H1-4: variants seen among roughly 807,000 people sequenced by gnomAD.
H1-4 encodes the protein H1.4 linker histone, cluster member.
Under a neutral mutation model 7.2 loss-of-function variants are expected in H1-4, and 9 were observed. The ratio of observed to expected loss-of-function variants is 1.25; its 90% CI spans 0.75 to 2.18. The LOEUF (loss-of-function observed/expected upper bound fraction) is 2.18. Among genes scored for constraint, H1-4 ranks in the 30% most tolerant of loss-of-function variants. The pLI is 0.00. For missense variants in H1-4, 646 were observed against 287.9 expected, an observed-to-expected ratio of 2.24 and a Z score of -9.00; for synonymous variants, 318 against 126.6, an observed-to-expected ratio of 2.51 and a Z score of -10.15.
Position 26,156,905 on chromosome 6 carries a change from G to A in H1-4, c.515G>A (p.Ser172Asn). Reference sequence around the variant, plus strand: ...GCTGCTGGAGCCAAAAAAGCGAAAAGCCCGAAAAAGGCGAAAGCAGCCAAG... The same window carrying A: ...GCTGCTGGAGCCAAAAAAGCGAAAAACCCGAAAAAGGCGAAAGCAGCCAAG... Reference protein sequence around the residue: ...AAAAGAKKAKSPKKAKAAKPK... With the variant: ...AAAAGAKKAKNPKKAKAAKPK... The change falls in exon 1 of 1, where the codon AGC becomes AAC. Residue 172 changes from serine (S) to asparagine (N), a missense_variant. By Grantham distance (46) the Ser-to-Asn change is conservative (BLOSUM62 1). Coordinates refer to ENST00000304218, the MANE Select transcript of H1-4 (RefSeq NM_005321.3). The A allele has an allele frequency of 1.9e-6, 3 of 1,610,302 alleles. No homozygotes were observed. The highest frequency in any genetic ancestry group is 2.5e-6 in the Non-Finnish European group (3 of 1,179,048).
chr6:26,156,808 A>C lies in H1-4; in HGVS notation c.418A>C (p.Lys140Gln). The C allele has an allele frequency of 1.2e-6, 2 of 1,609,440 alleles. No individual in the cohort carries two copies. Among genetic ancestry groups the C allele is most frequent in the African/African-American group, 2.7e-5 (2 of 74,900 alleles). Residue 140 changes from lysine to glutamine, a missense_variant, in exon 1 of 1, where the codon AAG (lysine) becomes CAG (glutamine). Transcript: ENST00000304218. ...AGCAGGAGCGGCGAAGAAGCCCAAG[A>C]AGGCGACGGGGGCGGCCACCCCCAA... ...KPAGAAKKPK[K>Q]ATGAATPKKS...
rs376794954 is a variant in H1-4 at position 26,157,071 on chromosome 6, C to T, written c.*21C>T. The T allele has an allele frequency of 2.0e-5, 31 of 1,572,302 alleles. No individual in the cohort carries two copies. Among genetic ancestry groups the T allele is most frequent in the African/African-American group, 5.5e-5 (4 of 72,288 alleles). ...AGTAGAAAGTTCCTTTGGCCAACTGCTTAGAAGCCCAACACAACCCAAAGG... is the reference window on the plus strand; with the variant it reads ...AGTAGAAAGTTCCTTTGGCCAACTGTTTAGAAGCCCAACACAACCCAAAGG... On this transcript the variant is annotated 3_prime_UTR_variant, in exon 1 of 1. Coordinates refer to ENST00000304218, the MANE Select transcript of H1-4 (RefSeq NM_005321.3).
rs1299483264 is a variant in H1-4 at position 26,156,762 on chromosome 6, CGCGGCCAAGGCCAAGAAGCCAGCAGGA to C, written c.378_404del (p.Ala128_Lys136del). 1.2e-6 allele frequency: 2 copies of C among 1,613,614 alleles called. No homozygotes were observed. Among genetic ancestry groups the C allele is most frequent in the Non-Finnish European group, 1.7e-6 (2 of 1,179,822 alleles). On this transcript the variant is annotated inframe_deletion, in exon 1 of 1. Transcript: ENST00000304218. ...CCAAGCCTAAGGCTAAAAAGGCAGGCGCGGCCAAGGCCAAGAAGCCAGCAGGAGCGGCGAAGAAGCCCAAGAAGGCGA... is the reference window on the plus strand; with the variant it reads ...CCAAGCCTAAGGCTAAAAAGGCAGGCGCGGCGAAGAAGCCCAAGAAGGCGA...
rs538011185 is a variant in H1-4 at position 26,156,338 on chromosome 6, G to C, written c.-53G>C. 1.4e-6 allele frequency: 2 copies of C among 1,479,196 alleles called. No individual in the cohort carries two copies. The highest frequency in any genetic ancestry group is 2.6e-5 in the South Asian group (2 of 75,748). 91.6% of individuals were successfully genotyped at this position (1,479,196 alleles called of 1,614,324 possible). On this transcript the variant is annotated 5_prime_UTR_variant, in exon 1 of 1. Transcript: ENST00000304218. The stretch of plus-strand genomic sequence containing the variant: ...GCGCAGCGCCGCGGCTCGAGTCCCG[G>C]CCAGTGCCTCTGCTTCCGGCTCGAA...
rs573423951 is a variant in H1-4 at position 26,156,906 on chromosome 6, C to T, written c.516C>T (p.Ser172=). The stretch of plus-strand genomic sequence containing the variant: ...CTGCTGGAGCCAAAAAAGCGAAAAG[C>T]CCGAAAAAGGCGAAAGCAGCCAAGC... ...AAAAGAKKAK[S]PKKAKAAKPK... The change falls in exon 1 of 1, where the codon AGC becomes AGT. Residue 172 remains serine (S), a synonymous_variant. Transcript: ENST00000304218. 1.8e-5 allele frequency: 29 copies of T among 1,610,696 alleles called. No individual in the cohort carries two copies. The highest frequency in any genetic ancestry group is 5.3e-5 in the African/African-American group (4 of 74,892).
rs201133864 is a variant in H1-4, at chr6:26,156,725, C to G, written c.335C>G (p.Ala112Gly). 2.5e-6 allele frequency: 4 copies of G among 1,614,122 alleles called. No homozygotes were observed. The highest frequency in any genetic ancestry group is 3.4e-6 in the Non-Finnish European group (4 of 1,180,030). Residue 112 changes from alanine (A) to glycine (G), a missense_variant, in exon 1 of 1, where the codon GCC becomes GGC. By Grantham distance (60) the Ala-to-Gly change is moderately conservative (BLOSUM62 0). Transcript: ENST00000304218. Reference protein sequence around the residue: ...SGSFKLNKKAASGEAKPKAKK... With the variant: ...SGSFKLNKKAGSGEAKPKAKK... ...TCCTTCAAACTCAACAAGAAGGCGG[C>G]CTCTGGGGAAGCCAAGCCTAAGGCT...
chr6:26,156,425 C>G lies in H1-4; in HGVS notation c.35C>G (p.Pro12Arg). The G allele has an allele frequency of 6.2e-7, 1 of 1,600,478 alleles. No homozygotes were observed. Among genetic ancestry groups the G allele is most frequent in the Non-Finnish European group, 8.5e-7 (1 of 1,173,174 alleles). The change falls in exon 1 of 1, where the codon CCG becomes CGG. Residue 12 changes from proline (P) to arginine (R), a missense_variant. Transcript: ENST00000304218. ...SETAPAAPAA[P>R]APAEKTPVKK... ...ACTGCGCCTGCCGCGCCCGCTGCTC[C>G]GGCCCCTGCCGAGAAGACTCCCGTG...
Position 26,157,080 on chromosome 6 carries a change from C to A in H1-4, c.*30C>A. On this transcript the variant is annotated 3_prime_UTR_variant, in exon 1 of 1. Coordinates refer to ENST00000304218, the MANE Select transcript of H1-4 (RefSeq NM_005321.3). ...TTCCTTTGGCCAACTGCTTAGAAGCCCAACACAACCCAAAGGCTCTTTTCA... is the reference window on the plus strand; with the variant it reads ...TTCCTTTGGCCAACTGCTTAGAAGCACAACACAACCCAAAGGCTCTTTTCA... 4 of 1,565,580 alleles carry A rather than the reference C, an allele frequency of 2.6e-6. No individual in the cohort carries two copies. Among genetic ancestry groups the A allele is most frequent in the Non-Finnish European group, 8.6e-7 (1 of 1,165,496 alleles).
rs1561964990 is a variant in H1-4 at position 26,156,399 on chromosome 6, G to GACTGCGCCT, written c.10_18dup (p.Thr4_Pro6dup). ...TCACGCTTGCCTTCAACATGTCCGAGACTGCGCCTGCCGCGCCCGCTGCTC... is the reference window on the plus strand; with the variant it reads ...TCACGCTTGCCTTCAACATGTCCGAGACTGCGCCTACTGCGCCTGCCGCGCCCGCTGCTC... On this transcript the variant is annotated inframe_insertion, in exon 1 of 1. Transcript: ENST00000304218. The GACTGCGCCT allele has an allele frequency of 6.3e-7, 1 of 1,583,382 alleles. No individual in the cohort carries two copies. The highest frequency in any genetic ancestry group is 1.1e-5 in the South Asian group (1 of 88,904).
Position 26,157,099 on chromosome 6 carries a change from C to G in H1-4, c.*49C>G. 2 of 1,548,020 alleles carry G rather than the reference C, an allele frequency of 1.3e-6. No homozygotes were observed. The highest frequency in any genetic ancestry group is 1.7e-6 in the Non-Finnish European group (2 of 1,156,242). ...AGAAGCCCAACACAACCCAAAGGCT[C>G]TTTTCAGAGCCACCCACCGCTCTCA... On this transcript the variant is annotated 3_prime_UTR_variant, in exon 1 of 1. Coordinates refer to ENST00000304218, the MANE Select transcript of H1-4 (RefSeq NM_005321.3).
rs774052008 is a variant in H1-4, at chr6:26,156,681, G to A, written c.291G>A (p.Lys97=). 1.1e-5 allele frequency: 18 copies of A among 1,614,136 alleles called. No homozygotes were observed. The highest frequency in any genetic ancestry group is 4.0e-5 in the African/African-American group (3 of 74,964). ...LVSKGTLVQT[K]GTGASGSFKL... ...GCAAGGGCACCCTGGTGCAGACCAA[G>A]GGCACCGGCGCGTCGGGTTCCTTCA... is the stretch of plus-strand genomic sequence containing the variant. Residue 97 remains lysine (K), a synonymous_variant, in exon 1 of 1, where the codon AAG becomes AAA. Transcript: ENST00000304218.
chr6:26,156,387 C>A lies in H1-4; in HGVS notation c.-4C>A, dbSNP rs367916158. ...AATTGCTCTCGCTCACGCTTGCCTTCAACATGTCCGAGACTGCGCCTGCCG... is the reference window on the plus strand; with the variant it reads ...AATTGCTCTCGCTCACGCTTGCCTTAAACATGTCCGAGACTGCGCCTGCCG... On this transcript the variant is annotated 5_prime_UTR_variant, in exon 1 of 1. Transcript: ENST00000304218. 22 of 1,562,766 alleles carry A rather than the reference C, an allele frequency of 1.4e-5. No homozygotes were observed. The African/African-American group carries it at 2.5e-4, about 18-fold the overall frequency.
chr6:26,156,962 C>A lies in H1-4; in HGVS notation c.572C>A (p.Ala191Asp). 3 of 1,612,494 alleles carry A rather than the reference C, an allele frequency of 1.9e-6. No homozygotes were observed. The highest frequency in any genetic ancestry group is 1.7e-6 in the Non-Finnish European group (2 of 1,179,896). ...AAGGCGCCCAAGAGCCCAGCGAAGG[C>A]CAAAGCAGTTAAACCCAAGGCGGCT... ...PKKAPKSPAK[A>D]KAVKPKAAKP... Residue 191 changes from alanine to aspartate, a missense_variant, in exon 1 of 1, where the codon GCC (alanine) becomes GAC (aspartate). Coordinates refer to ENST00000304218, the MANE Select transcript of H1-4 (RefSeq NM_005321.3).
rs1274454339 is a variant in H1-4 at position 26,156,571 on chromosome 6, G to C, written c.181G>C (p.Ala61Pro). The C allele has an allele frequency of 1.2e-6, 2 of 1,614,132 alleles. No individual in the cohort carries two copies. The highest frequency in any genetic ancestry group is 1.1e-5 in the South Asian group (1 of 91,076). Residue 61 changes from alanine (A) to proline (P), a missense_variant, in exon 1 of 1, where the codon GCT becomes CCT. Physicochemically the swap from Ala to Pro is conservative, Grantham distance 27. Coordinates refer to ENST00000304218, the MANE Select transcript of H1-4 (RefSeq NM_005321.3). ...SKERSGVSLA[A>P]LKKALAAAGY... ...GGAGCGCAGCGGCGTATCTTTGGCC[G>C]CTCTCAAGAAAGCGCTGGCAGCCGC...
At position 26,156,940 on chromosome 6, in the gene H1-4, G is replaced by T. The variant is rs144800740; in HGVS notation, c.550G>T (p.Ala184Ser). The change falls in exon 1 of 1, where the codon GCG becomes TCG. Residue 184 changes from alanine (A) to serine (S), a missense_variant. Coordinates refer to ENST00000304218, the MANE Select transcript of H1-4 (RefSeq NM_005321.3). ...GGCGAAAGCAGCCAAGCCAAAAAAG[G>T]CGCCCAAGAGCCCAGCGAAGGCCAA... The part of the protein sequence containing the change: ...KKAKAAKPKK[A>S]PKSPAKAKAV... 2 of 1,612,388 alleles carry T rather than the reference G, an allele frequency of 1.2e-6. No homozygotes were observed. The highest frequency in any genetic ancestry group is 1.7e-6 in the Non-Finnish European group (2 of 1,179,852).
Position 26,156,449 on chromosome 6 carries a change from TGAA to T in H1-4, c.67_69del (p.Lys23del), listed in dbSNP as rs545095988. 144 of 1,611,206 alleles carry T rather than the reference TGAA, an allele frequency of 8.9e-5. No individual in the cohort carries two copies. The highest frequency in any genetic ancestry group is 4.2e-4 in the Admixed American group (25 of 59,736). On this transcript the variant is annotated inframe_deletion, in exon 1 of 1. Coordinates refer to ENST00000304218, the MANE Select transcript of H1-4 (RefSeq NM_005321.3). ...CCGGCCCCTGCCGAGAAGACTCCCG[TGAA>T]GAAGAAGGCCCGCAAGTCTGCAGGT...
At position 26,156,388 on chromosome 6, in the gene H1-4, A is replaced by G. The variant is rs766291763; in HGVS notation, c.-3A>G. ...ATTGCTCTCGCTCACGCTTGCCTTC[A>G]ACATGTCCGAGACTGCGCCTGCCGC... On this transcript the variant is annotated 5_prime_UTR_variant, in exon 1 of 1. Transcript: ENST00000304218. The G allele has an allele frequency of 1.7e-5, 27 of 1,563,434 alleles. No homozygotes were observed. The African/African-American group carries it at 2.6e-4, about 15-fold the overall frequency.
rs1273963446 is a variant in H1-4, at chr6:26,156,731, G to A, written c.341G>A (p.Gly114Glu). The A allele has an allele frequency of 4.4e-5, 71 of 1,613,976 alleles. No homozygotes were observed. Among genetic ancestry groups the A allele is most frequent in the Non-Finnish European group, 5.3e-5 (62 of 1,180,034 alleles). The change falls in exon 1 of 1, where the codon GGG (glycine) becomes GAG (glutamate). Residue 114 changes from glycine to glutamate, a missense_variant. Gly to Glu is a moderately conservative substitution (Grantham distance 98, BLOSUM62 -2). Coordinates refer to ENST00000304218, the MANE Select transcript of H1-4 (RefSeq NM_005321.3). ...SFKLNKKAAS[G>E]EAKPKAKKAG... ...AAACTCAACAAGAAGGCGGCCTCTG[G>A]GGAAGCCAAGCCTAAGGCTAAAAAG...
chr6:26,156,508 G>C lies in H1-4; in HGVS notation c.118G>C (p.Val40Leu). The C allele has an allele frequency of 6.2e-7, 1 of 1,613,872 alleles. No individual in the cohort carries two copies. The highest frequency in any genetic ancestry group is 8.5e-7 in the Non-Finnish European group (1 of 1,179,998). Residue 40 changes from valine (V) to leucine (L), a missense_variant, in exon 1 of 1, where the codon GTG (valine) becomes CTG (leucine). Val to Leu is a conservative substitution (Grantham distance 32). Coordinates refer to ENST00000304218, the MANE Select transcript of H1-4 (RefSeq NM_005321.3). ...AAKRKASGPPVSELITKAVAA... is the reference protein window; with the variant it reads ...AAKRKASGPPLSELITKAVAA... ...CAAGCGCAAAGCGTCTGGGCCCCCG[G>C]TGTCCGAGCTCATTACTAAAGCTGT...
Sources: gnomAD v4.1 joint callset for allele counts on GRCh38, gnomAD v4.1.1 for gene constraint, MANE v1.5 for transcripts, NCBI Gene and HGNC (gene_info 2026-07-23, HGNC 2026-07-21) for gene names.